RASIP1: variants seen among roughly 807,000 people sequenced by gnomAD.
RASIP1 encodes ras-interacting protein 1.
RASIP1 carries 20 observed loss-of-function variants against 85.3 expected under a neutral mutation model. That is an observed-to-expected ratio of 0.23 (90% CI 0.17 to 0.34). The LOEUF is 0.34. RASIP1 is among the 10% of genes least tolerant of loss of function. The pLI is 1.00. For synonymous variants in RASIP1, 617 were observed against 647.1 expected, an observed-to-expected ratio of 0.95 and a Z score of 0.71; for missense variants, 1,170 against 1,390.9, an observed-to-expected ratio of 0.84 and a Z score of 2.53.
In RASIP1 at chr19:48,729,523, C is replaced by T. The variant is rs1251484468; in HGVS notation, c.1247G>A (p.Arg416His). Residue 416 changes from arginine to histidine, a missense_variant, in exon 5 of 12, where the codon CGC (arginine) becomes CAC (histidine). Arg to His is a conservative substitution (Grantham distance 29, BLOSUM62 0). Transcript: ENST00000222145. ...VFGRGGNSSGRGGSPAPYVDT... is the reference protein window; with the variant it reads ...VFGRGGNSSGHGGSPAPYVDT... Reference sequence around the variant, plus strand: ...CACATAGGGAGCCGGGGACCCCCCGCGGCCAGACGAGTTCCCACCTCGCCC... The same window carrying T: ...CACATAGGGAGCCGGGGACCCCCCGTGGCCAGACGAGTTCCCACCTCGCCC... 3.1e-6 allele frequency: 5 copies of T among 1,599,516 alleles called. No individual in the cohort carries two copies. Among genetic ancestry groups the T allele is most frequent in the Non-Finnish European group, 4.3e-6 (5 of 1,173,606 alleles).
intron 4 of RASIP1, among the ~76,000 whole-genome samples, chr19:48,732,824 C>T (rs1205171115): frequency 1.3e-5 from 2 of 152,188 alleles, no homozygotes; most frequent in African/African-American, 2.4e-5. Context: ...CCCATATACA[C>T]AGTCAAGCTG....
At chr19:48,735,952 C>T (rs1336843088) in intron 3 of RASIP1, among the ~76,000 whole-genome samples, 4 of 151,648 alleles carry the variant, frequency 2.6e-5, no homozygotes, top group South Asian at 2.1e-4. Context: ...CGCACCACAA[C>T]GCCCGGTTAA....
chr19:48,739,987 C>G lies in RASIP1; in HGVS notation c.137+159G>C, dbSNP rs2033643963. ...GCCTAGCTCTTACTCCCACCGCGCCCTGGTATCACTGTGCCCCACCGTCTC... is the reference window on the plus strand; with the variant it reads ...GCCTAGCTCTTACTCCCACCGCGCCGTGGTATCACTGTGCCCCACCGTCTC... On this transcript the variant is annotated intron_variant, in intron 2 of 11. Transcript: ENST00000222145. This position sits in a 1 kb window ranked among gnomAD's most constrained non-coding sequence, Gnocchi z 9.2. Among the ~76,000 whole-genome samples, 1 of 152,158 alleles carries G rather than the reference C, an allele frequency of 6.6e-6. No homozygotes were observed. Among genetic ancestry groups the G allele is most frequent in the Admixed American group, 6.5e-5 (1 of 15,284 alleles).
intron 3 of RASIP1, among the ~76,000 whole-genome samples, chr19:48,736,827 G>A (rs1749957659): frequency 6.6e-6 from 1 of 152,206 alleles, no homozygotes; most frequent in South Asian, 2.1e-4. Context: ...TTGAGGTCAG[G>A]AATTCGAGAC....
rs1021052230 is a variant in RASIP1 at position 48,728,960 on chromosome 19, G to C, written c.1810C>G (p.Arg604Gly). ...HLPRLLGRLA[R>G]LIKEAVWEKI... is the part of the protein sequence containing the mutation. ...ACCCAGACGGCCTCCTTGATGAGCC[G>C]GGCCAGGCGGCCCAGCAGTCGTGGC... is the stretch of plus-strand genomic sequence containing the variant. The change falls in exon 5 of 12, where the codon CGG becomes GGG. Residue 604 changes from arginine to glycine, a missense_variant. Transcript: ENST00000222145. 6.9e-7 allele frequency: 1 copy of C among 1,457,910 alleles called. No homozygotes were observed. The highest frequency in any genetic ancestry group is 9.0e-7 in the Non-Finnish European group (1 of 1,114,666). 90.3% of individuals were successfully genotyped at this position (1,457,910 alleles called of 1,614,324 possible). A position where few individuals can be genotyped will look rare whatever the true frequency, so the allele number is the denominator to read the frequency against.
rs1396388774 is a variant in RASIP1, at chr19:48,729,177, G to C, written c.1593C>G (p.Gly531=). ...RLCGRGLQER[G]EALAAYLDGR... ...CGTCCAGGTAGGCGGCCAGTGCCTC[G>C]CCGCGCTCCTGCAGGCCGCGGCCGC... The change falls in exon 5 of 12, where the codon GGC becomes GGG. Residue 531 remains glycine, a synonymous_variant. Transcript: ENST00000222145. The C allele has an allele frequency of 2.3e-6, 3 of 1,284,718 alleles. No individual in the cohort carries two copies. The highest frequency in any genetic ancestry group is 3.0e-6 in the Non-Finnish European group (3 of 1,013,946). The allele number at this position is 1,284,718 out of a possible 1,614,324, so 79.6% of individuals were successfully genotyped here. A position where few individuals can be genotyped will look rare whatever the true frequency, so the allele number is the denominator to read the frequency against.
At chr19:48,726,124 A>T (rs961461711) in intron 8 of RASIP1, among the ~76,000 whole-genome samples, 1 of 152,110 alleles carries the variant, frequency 6.6e-6, no homozygotes, top group African/African-American at 2.4e-5. Flanking sequence ...ACGGGGTTTT[A>T]CCATGTTGGT....
At chr19:48,730,179 T>C (rs1568479492) in intron 4 of RASIP1, among the ~76,000 whole-genome samples, 2 of 151,294 alleles carry the variant, frequency 1.3e-5, no homozygotes, top group Non-Finnish European at 3.0e-5. Context: ...CCCCCTTTTT[T>C]TCTTTGAGAC....
chr19:48,730,228 C>T (rs1175742209), intron 4 of RASIP1, among the ~76,000 whole-genome samples: 1 of 151,998 alleles, frequency 6.6e-6, no homozygotes, highest in African/African-American at 2.4e-5. Flanking sequence ...TGCAGTGGCA[C>T]GATCTCGGCT....
chr19:48,728,247 C>T (rs981018899), intron 5 of RASIP1, among the ~76,000 whole-genome samples: 1 of 152,192 alleles, frequency 6.6e-6, no homozygotes, highest in Non-Finnish European at 1.5e-5. Flanking sequence ...AGAATGAACT[C>T]GCTCACTGCT....
At chr19:48,731,997 T>C (rs2033466377) in intron 4 of RASIP1, among the ~76,000 whole-genome samples, 2 of 152,022 alleles carry the variant, frequency 1.3e-5, no homozygotes, top group South Asian at 2.1e-4. Context: ...ATTCCTACAA[T>C]AGATTCACCT....
chr19:48,736,583 C>A (rs2033577131), intron 3 of RASIP1, among the ~76,000 whole-genome samples: 1 of 152,186 alleles, frequency 6.6e-6, no homozygotes, highest in Non-Finnish European at 1.5e-5. Context: ...GTACTCTGAG[C>A]TTTTTCTGGA....
At chr19:48,732,175 A>G (rs971995289) in intron 4 of RASIP1, among the ~76,000 whole-genome samples, 2 of 151,388 alleles carry the variant, frequency 1.3e-5, no homozygotes, top group African/African-American at 4.9e-5. Context: ...CCTGGGCTCA[A>G]GTGATCCTCC....
In RASIP1 at chr19:48,740,525, C is replaced by CT; in HGVS notation, c.-10dup. 2 of 1,389,752 alleles carry CT rather than the reference C, an allele frequency of 1.4e-6. No homozygotes were observed. The highest frequency in any genetic ancestry group is 2.9e-5 in the African/African-American group (2 of 68,658). 86.1% of individuals were successfully genotyped at this position (1,389,752 alleles called of 1,614,324 possible). On this transcript the variant is annotated 5_prime_UTR_variant, in exon 1 of 12. Coordinates refer to ENST00000222145, the MANE Select transcript of RASIP1 (RefSeq NM_017805.3). The surrounding 1 kb of genome is among the most constrained non-coding windows in gnomAD (Gnocchi z 5.5). ...TGCTGGGTCCCTGGCTCTTACCCTG[C>CT]TTCGGGTCCGGCACACCCGGAGGCC...
Position 48,729,526 on chromosome 19 carries a change from C to T in RASIP1, c.1244G>A (p.Gly415Asp). 6.2e-7 allele frequency: 1 copy of T among 1,600,386 alleles called. No individual in the cohort carries two copies. The highest frequency in any genetic ancestry group is 8.5e-7 in the Non-Finnish European group (1 of 1,174,062). Reference sequence around the variant, plus strand: ...ATAGGGAGCCGGGGACCCCCCGCGGCCAGACGAGTTCCCACCTCGCCCAAA... The same window carrying T: ...ATAGGGAGCCGGGGACCCCCCGCGGTCAGACGAGTTCCCACCTCGCCCAAA... ...HVFGRGGNSS[G>D]RGGSPAPYVD... The change falls in exon 5 of 12, where the codon GGC becomes GAC. Residue 415 changes from glycine (G) to aspartate (D), a missense_variant. Around this residue, in one of 4 missense-constraint regions of RASIP1, gnomAD observed 301 missense variants for 294.8 expected, o/e 1.02. Transcript: ENST00000222145.
At chr19:48,726,012 C>T (rs148816965) in intron 8 of RASIP1, among the ~76,000 whole-genome samples, 47 of 152,250 alleles carry the variant, frequency 3.1e-4, no homozygotes, top group African/African-American at 9.1e-4. Context: ...CTGCAACCTC[C>T]GCCTCCCGGG....
In RASIP1 at chr19:48,729,086, C is replaced by T. The variant is rs1355644271; in HGVS notation, c.1684G>A (p.Ala562Thr). 5 of 1,375,122 alleles carry T rather than the reference C, an allele frequency of 3.6e-6. No homozygotes were observed. The highest frequency in any genetic ancestry group is 3.1e-5 in the African/African-American group (2 of 64,950). 85.2% of individuals were successfully genotyped at this position (1,375,122 alleles called of 1,614,324 possible). A position where few individuals can be genotyped will look rare whatever the true frequency, so the allele number is the denominator to read the frequency against. Reference protein sequence around the residue: ...EEALLGEIVRAAAAGSGDLPP... With the variant: ...EEALLGEIVRTAAAGSGDLPP... ...AGGTCTCCCGAGCCGGCGGCTGCGG[C>T]GCGCACGATCTCGCCCAGCAGCGCC... Residue 562 changes from alanine (A) to threonine (T), a missense_variant, in exon 5 of 12, where the codon GCC becomes ACC. This residue lies in a region of RASIP1 where 426 missense variants were observed against 576.2 expected (regional missense o/e 0.74). Coordinates refer to ENST00000222145, the MANE Select transcript of RASIP1 (RefSeq NM_017805.3).
chr19:48,722,032 G>C (rs2033257360), intron 10 of RASIP1, 31 bp from the exon 11 acceptor site: 3 of 1,383,946 alleles, frequency 2.2e-6, no homozygotes, highest in Non-Finnish European at 2.9e-6. Context: ...GAGGTTGATG[G>C]TCATTACGGG....
rs751384444 is a variant in RASIP1, at chr19:48,735,318, C to T, written c.1057G>A (p.Ala353Thr). ...GCAGTTCCGATTTGGGCGTCGGCTG[C>T]CCCTGGGGCCATGCTAAGTGCCTGC... is the stretch of plus-strand genomic sequence containing the variant. ...RQQALSMAPG[A>T]ADAQIGTADP... is the part of the protein sequence containing the mutation. The change falls in exon 4 of 12, where the codon GCA becomes ACA. Residue 353 changes from alanine to threonine, a missense_variant. Physicochemically the swap from Ala to Thr is moderately conservative, Grantham distance 58 (BLOSUM62 0). Coordinates refer to ENST00000222145, the MANE Select transcript of RASIP1 (RefSeq NM_017805.3). 1.2e-6 allele frequency: 2 copies of T among 1,613,846 alleles called. No homozygotes were observed. Among genetic ancestry groups the T allele is most frequent in the Non-Finnish European group, 1.7e-6 (2 of 1,179,950 alleles).
Sources: allele counts gnomAD v4.1 joint callset (sites outside exome capture counted in the v4.1 genomes callset), GRCh38; gene constraint gnomAD v4.1.1; regional missense constraint gnomAD v4.1.1; non-coding constraint Gnocchi (gnomAD v3.1); transcripts MANE v1.5; gene names NCBI Gene and HGNC (gene_info 2026-07-23, HGNC 2026-07-21).